The following TMEM72 variants were observed in gnomAD, a reference collection of about 807,000 sequenced individuals.
TMEM72 encodes transmembrane protein 72.
TMEM72 carries 9 observed loss-of-function variants against 16.3 expected under a neutral mutation model. That is an observed-to-expected ratio of 0.55 (90% CI 0.33 to 0.96). The LOEUF (loss-of-function observed/expected upper bound fraction) is 0.96. Ranked by LOEUF, TMEM72 falls within the 40% of genes least tolerant of loss-of-function variation. TMEM72 has a pLI of 0.03. For missense variants in TMEM72, 324 were observed against 337.8 expected (o/e 0.96, Z 0.32); for synonymous variants, 160 against 146.5 (o/e 1.09, Z -0.66).
chr10:44,931,455 G>A (rs1033763658), intron 2 of TMEM72, among the ~76,000 whole-genome samples: 2 of 152,152 alleles, frequency 1.3e-5, no homozygotes, highest in African/African-American at 4.8e-5. Flanking sequence ...CAGTGGGGGA[G>A]CAGGAGACAG....
intron 1 of TMEM72, among the ~76,000 whole-genome samples, chr10:44,922,251 C>T (rs548200609): frequency 2.9e-4 from 44 of 152,338 alleles, no homozygotes; most frequent in African/African-American, 1.0e-3. Flanking sequence ...GGGGGCCCAC[C>T]TGTGCAGTCT....
chr10:44,913,484 G>T (rs865876641), intron 1 of TMEM72, among the ~76,000 whole-genome samples: 1 of 151,648 alleles, frequency 6.6e-6, no homozygotes, highest in Non-Finnish European at 1.5e-5. Context: ...ACACAAACCC[G>T]TGCGCGCGCA....
intron 4 of TMEM72, among the ~76,000 whole-genome samples, chr10:44,934,037 C>T (rs772344740): frequency 1.3e-5 from 2 of 152,206 alleles, no homozygotes; most frequent in African/African-American, 2.4e-5. Context: ...GGGGACCTCA[C>T]CTTTCCTCCC....
At chr10:44,933,155 C>A (rs553855116) in intron 3 of TMEM72, among the ~76,000 whole-genome samples, 5 of 152,236 alleles carry the variant, frequency 3.3e-5, no homozygotes, top group East Asian at 3.9e-4. Context: ...AAAAGAAGCC[C>A]TTCTGGGCCA....
chr10:44,913,442 C>T (rs1351000225), intron 1 of TMEM72, among the ~76,000 whole-genome samples: 2 of 150,682 alleles, frequency 1.3e-5, no homozygotes, highest in African/African-American at 4.9e-5. Context: ...CCTGACACTC[C>T]CATGTGCACG....
At chr10:44,926,355 C>T (rs944164497) in intron 1 of TMEM72, among the ~76,000 whole-genome samples, 3 of 152,130 alleles carry the variant, frequency 2.0e-5, no homozygotes, top group Admixed American at 6.5e-5. Context: ...CAGCATGTAT[C>T]CTTGAGTGAA....
intron 1 of TMEM72, among the ~76,000 whole-genome samples, chr10:44,921,694 G>C (rs1024558224): frequency 2.1e-4 from 32 of 152,346 alleles, no homozygotes; most frequent in African/African-American, 7.5e-4. Flanking sequence ...TGAAGGCAGA[G>C]CTTCCAAGAC....
intron 1 of TMEM72, among the ~76,000 whole-genome samples, chr10:44,927,197 T>C (rs537310479): frequency 6.6e-5 from 10 of 152,298 alleles, no homozygotes; most frequent in South Asian, 2.1e-4. Flanking sequence ...AATGTTTCTA[T>C]TGGGGACTCC....
intron 2 of TMEM72, among the ~76,000 whole-genome samples, chr10:44,929,084 T>C (rs1840248827): frequency 6.6e-6 from 1 of 152,108 alleles, no homozygotes. Flanking sequence ...TCAGAAGGAG[T>C]AAGCAGGTTA....
At chr10:44,923,612 G>A (rs1040023601) in intron 1 of TMEM72, among the ~76,000 whole-genome samples, 3 of 152,188 alleles carry the variant, frequency 2.0e-5, no homozygotes, top group African/African-American at 4.8e-5. Context: ...GAAACAAGAC[G>A]TATGGAGAGG....
At chr10:44,928,975 T>C (rs1840247531) in intron 2 of TMEM72, among the ~76,000 whole-genome samples, 1 of 152,248 alleles carries the variant, frequency 6.6e-6, no homozygotes, top group Non-Finnish European at 1.5e-5. Flanking sequence ...CTTCTCTACA[T>C]GCCAAATACA....
chr10:44,933,545 C>G (rs1840340172), intron 3 of TMEM72, 92 bp from the exon 4 acceptor site: 1 of 1,510,996 alleles, frequency 6.6e-7, no homozygotes, highest in Admixed American at 2.0e-5. Flanking sequence ...CAGAGCATGC[C>G]CACAGCAGGG....
chr10:44,913,696 G>A (rs1839971987), intron 1 of TMEM72, among the ~76,000 whole-genome samples: 1 of 152,182 alleles, frequency 6.6e-6, no homozygotes, highest in African/African-American at 2.4e-5. Flanking sequence ...AGAGGGGTTT[G>A]GTGTTCTTGG....
At chr10:44,932,190 C>A in intron 3 of TMEM72, 121 bp downstream of exon 3, 2 of 1,203,594 alleles carry the variant, frequency 1.7e-6, no homozygotes, top group South Asian at 1.4e-5. Flanking sequence ...TGGACAGGAG[C>A]CCCCCACCGA....
chr10:44,913,363 C>T (rs574315319), intron 1 of TMEM72, among the ~76,000 whole-genome samples: 7 of 152,246 alleles, frequency 4.6e-5, no homozygotes, highest in African/African-American at 1.7e-4. Flanking sequence ...TGTACCTATC[C>T]TTCTAATGGA....
At chr10:44,915,970 T>C (rs1840008337) in intron 1 of TMEM72, among the ~76,000 whole-genome samples, 1 of 152,128 alleles carries the variant, frequency 6.6e-6, no homozygotes, top group South Asian at 2.1e-4. Context: ...TGCATTATGG[T>C]CATTGTCTCG....
Position 44,926,106 on chromosome 10 carries a change from C to T in TMEM72, c.71-1815C>T, listed in dbSNP as rs142445107. 5.9e-3 allele frequency among the ~76,000 whole-genome samples: 893 copies of T among 152,086 alleles called. 11 individuals carry two copies. The highest frequency in any genetic ancestry group is 0.02 in the African/African-American group (846 of 41,490). ...ACATTCACACATGAACTTACATACA[C>T]ACCCACATACACACATACATACACT... On this transcript the variant is annotated intron_variant, in intron 1 of 4. Coordinates refer to ENST00000389583, the MANE Select transcript of TMEM72 (RefSeq NM_001123376.3).
intron 1 of TMEM72, 143 bp downstream of exon 1, chr10:44,911,725 A>T (rs570428520): frequency 3.0e-5 from 27 of 903,220 alleles, no homozygotes; most frequent in African/African-American, 2.5e-4. Flanking sequence ...CCCTAGAAAC[A>T]CTGCTCTGTA....
chr10:44,918,024 G>A (rs186622376), intron 1 of TMEM72, among the ~76,000 whole-genome samples: 1 of 152,176 alleles, frequency 6.6e-6, no homozygotes, highest in African/African-American at 2.4e-5. Context: ...CACAATCATG[G>A]TAGAAGGCCA....
Sources: allele counts gnomAD v4.1 joint callset (sites outside exome capture counted in the v4.1 genomes callset), GRCh38; gene constraint gnomAD v4.1.1; transcripts MANE v1.5; gene names NCBI Gene and HGNC (gene_info 2026-07-23, HGNC 2026-07-21).